Variants in ELL observed in about 807,000 individuals in gnomAD.
ELL encodes elongation factor for RNA polymerase II.
A neutral mutation model predicts 64.0 loss-of-function variants in ELL; 18 were observed. The ratio of observed to expected loss-of-function variants is 0.28; its 90% CI spans 0.19 to 0.42. The LOEUF is 0.42. ELL is among the 10% of genes least tolerant of loss of function. ELL has a pLI of 1.00. For missense variants in ELL, 797 were observed against 870.4 expected (o/e 0.92, Z 1.06); for synonymous variants, 399 against 376.2 (o/e 1.06, Z -0.70).
intron 8 of ELL, among the ~76,000 whole-genome samples, chr19:18,450,053 G>C (rs1220400523): frequency 6.6e-6 from 1 of 152,242 alleles, no homozygotes; most frequent in Non-Finnish European, 1.5e-5. Flanking sequence ...GCCTCTCCCT[G>C]AATAGGGCTG....
intron 1 of ELL, among the ~76,000 whole-genome samples, chr19:18,484,320 C>T (rs927415747): frequency 1.3e-5 from 2 of 152,130 alleles, no homozygotes; most frequent in African/African-American, 2.4e-5. Flanking sequence ...CAAACTTTGG[C>T]CAGGCGTGGT....
intron 1 of ELL, among the ~76,000 whole-genome samples, chr19:18,480,523 G>C (rs1975277929): frequency 6.6e-6 from 1 of 152,244 alleles, no homozygotes; most frequent in African/African-American, 2.4e-5. Flanking sequence ...CTGCCAGCCT[G>C]GGAGGACAGA....
chr19:18,481,020 T>C (rs752452843), intron 1 of ELL, among the ~76,000 whole-genome samples: 3 of 152,202 alleles, frequency 2.0e-5, no homozygotes, highest in African/African-American at 4.8e-5. Context: ...GACAAAAATA[T>C]GCAGATTGCC....
intron 4 of ELL, among the ~76,000 whole-genome samples, chr19:18,463,088 C>A (rs1007663341): frequency 6.6e-6 from 1 of 152,162 alleles, no homozygotes; most frequent in Non-Finnish European, 1.5e-5. Flanking sequence ...ATCCTTCCCC[C>A]AAAAGCTCTT....
chr19:18,521,399 G>A (rs1976269960), intron 1 of ELL, among the ~76,000 whole-genome samples: 1 of 152,066 alleles, frequency 6.6e-6, no homozygotes, highest in Admixed American at 6.6e-5. Flanking sequence ...AGACAGAACA[G>A]ACCCCCACAA....
At chr19:18,472,918 G>T (rs1975095979) in intron 1 of ELL, 36 bp from the exon 2 acceptor site, 2 of 1,533,444 alleles carry the variant, frequency 1.3e-6, no homozygotes, top group South Asian at 1.2e-5. Flanking sequence ...AAGGTGAGGG[G>T]AACATCAATA....
chr19:18,443,509 C>A lies in ELL; in HGVS notation c.*1243G>T. 1 of 233,528 alleles carries A rather than the reference C, an allele frequency of 4.3e-6. No homozygotes were observed. Among genetic ancestry groups the A allele is most frequent in the South Asian group, 1.8e-4 (1 of 5,534 alleles). 14.5% of individuals were successfully genotyped at this position (233,528 alleles called of 1,614,324 possible). A position where few individuals can be genotyped will look rare whatever the true frequency, so the allele number is the denominator to read the frequency against. On this transcript the variant is annotated 3_prime_UTR_variant, in exon 12 of 12. Coordinates refer to ENST00000262809, the MANE Select transcript of ELL (RefSeq NM_006532.4). ...CGCCATCCACCCCCCACCACCTTTC[C>A]AAGTCATGGCTTCATTCAGCCCTAA...
chr19:18,497,291 T>C (rs1975674997), intron 1 of ELL, among the ~76,000 whole-genome samples: 1 of 152,168 alleles, frequency 6.6e-6, no homozygotes, highest in Admixed American at 6.5e-5. Context: ...ACTGCACAGT[T>C]CCAACTACAG....
At chr19:18,475,312 A>G (rs1172690535) in intron 1 of ELL, among the ~76,000 whole-genome samples, 1 of 152,212 alleles carries the variant, frequency 6.6e-6, no homozygotes, top group East Asian at 1.9e-4. Context: ...CCACACTGAG[A>G]TAGCTCTGTA....
chr19:18,446,542 T>C (rs905246726), intron 9 of ELL, 62 bp from the exon 10 acceptor site: 3 of 1,572,464 alleles, frequency 1.9e-6, no homozygotes, highest in African/African-American at 1.3e-5. Flanking sequence ...ACCCAGGAAG[T>C]GGCCATCCTG....
intron 11 of ELL, 137 bp downstream of exon 11, chr19:18,445,087 G>T: frequency 1.5e-6 from 2 of 1,291,524 alleles, no homozygotes; most frequent in Admixed American, 1.8e-5. Flanking sequence ...GGGTGGTGGG[G>T]CAACTTTGGC....
Position 18,444,577 on chromosome 19 carries a change from G to T in ELL, c.*175C>A, listed in dbSNP as rs972518760. 6.5e-6 allele frequency: 4 copies of T among 616,762 alleles called. No homozygotes were observed. Among genetic ancestry groups the T allele is most frequent in the African/African-American group, 1.9e-5 (1 of 53,680 alleles). The allele number at this position is 616,762 out of a possible 1,614,324, so 38.2% of individuals were successfully genotyped here. On this transcript the variant is annotated 3_prime_UTR_variant, in exon 12 of 12. Coordinates refer to ENST00000262809, the MANE Select transcript of ELL (RefSeq NM_006532.4). ...GGACTGCTCAGGAAGCGCAGGGAGG[G>T]CCGAGGTGGGCTTGCAGCCACCCGC...
In ELL at chr19:18,459,761, C is replaced by T. The variant is rs554289970; in HGVS notation, c.745-1432G>A. Among the ~76,000 whole-genome samples, 23 of 150,674 alleles carry T rather than the reference C, an allele frequency of 1.5e-4. No individual in the cohort carries two copies. The South Asian group carries it at 3.6e-3, about 23-fold the overall frequency. ...CAGGATGGTCTCGATCTCCTGACCT[C>T]GTAATCCACTTGCCTCGGCCTCCCA... On this transcript the variant is annotated intron_variant, in intron 5 of 11. Transcript: ENST00000262809.
intron 1 of ELL, among the ~76,000 whole-genome samples, chr19:18,519,569 G>A (rs570760534): frequency 3.3e-5 from 5 of 152,302 alleles, no homozygotes; most frequent in Admixed American, 6.5e-5. Context: ...CACTTTTAGA[G>A]GCTGAGAAGG....
intron 5 of ELL, among the ~76,000 whole-genome samples, chr19:18,460,882 G>C (rs553089870): frequency 1.1e-4 from 16 of 152,310 alleles, no homozygotes; most frequent in African/African-American, 3.6e-4. Flanking sequence ...CATCTGCATA[G>C]CCTGGCTAAT....
chr19:18,456,728 G>A (rs1008975535), intron 6 of ELL, among the ~76,000 whole-genome samples: 9 of 152,072 alleles, frequency 5.9e-5, no homozygotes, highest in Non-Finnish European at 8.8e-5. Context: ...GAGAACATGA[G>A]TGGAGAAACC....
At chr19:18,504,932 G>A (rs1568397595) in intron 1 of ELL, among the ~76,000 whole-genome samples, 4 of 152,316 alleles carry the variant, frequency 2.6e-5, no homozygotes, top group East Asian at 3.9e-4. Flanking sequence ...TGATGCCTGC[G>A]CACAGGAGGC....
intron 6 of ELL, among the ~76,000 whole-genome samples, chr19:18,452,050 G>A (rs1974550976): frequency 6.6e-6 from 1 of 152,236 alleles, no homozygotes; most frequent in African/African-American, 2.4e-5. Flanking sequence ...CTTCCTGGAA[G>A]CCCAGGTCAC....
In ELL at chr19:18,509,645, A is replaced by G. The variant is rs1975973296; in HGVS notation, c.135+12276T>C. Among the ~76,000 whole-genome samples the G allele has an allele frequency of 1.7e-5, 2 of 120,468 alleles. 1 individual carries two copies. Among genetic ancestry groups the G allele is most frequent in the African/African-American group, 8.0e-5 (2 of 25,122 alleles). The allele number at this position is 120,468 out of a possible 152,430, so 79.0% of individuals were successfully genotyped here. A position where few individuals can be genotyped will look rare whatever the true frequency, so the allele number is the denominator to read the frequency against. On this transcript the variant is annotated intron_variant, in intron 1 of 11. Coordinates refer to ENST00000262809, the MANE Select transcript of ELL (RefSeq NM_006532.4). ...CACACACACACACACACACACACAC[A>G]CACACACACACACTCCCCTCCCCAA... is the stretch of plus-strand genomic sequence containing the variant.
Sources: gnomAD v4.1 joint callset for allele counts (sites outside exome capture counted in the v4.1 genomes callset) on GRCh38, gnomAD v4.1.1 for gene constraint, MANE v1.5 for transcripts, NCBI Gene and HGNC (gene_info 2026-07-23, HGNC 2026-07-21) for gene names.